Variants in PGBD5 observed in about 807,000 individuals in gnomAD.
PGBD5 encodes the protein piggyBac transposable element derived 5, also known as piggyBac transposable element-derived protein 5.
Under a neutral mutation model 47.9 loss-of-function variants are expected in PGBD5, and 14 were observed. The ratio of observed to expected loss-of-function variants is 0.29; its 90% CI spans 0.19 to 0.46. The LOEUF is 0.46. Among genes scored for constraint, PGBD5 ranks in the 20% least tolerant of loss-of-function variants. The pLI is 1.00. For synonymous variants in PGBD5, 316 were observed against 306.3 expected (o/e 1.03, Z -0.33); for missense variants, 635 against 716.0 (o/e 0.89, Z 1.29).
chr1:230,327,415 T>C (rs946928322), intron 5 of PGBD5, among the ~76,000 whole-genome samples: 14 of 152,172 alleles, frequency 9.2e-5, no homozygotes, highest in African/African-American at 3.4e-4. Flanking sequence ...TTACATACAC[T>C]GAGCCGGACT....
chr1:230,411,840 AT>A (rs1379839546), intron 1 of PGBD5, among the ~76,000 whole-genome samples: 2 of 152,250 alleles, frequency 1.3e-5, no homozygotes, highest in African/African-American at 4.8e-5. Context: ...CAAATTAATT[AT>A]GGAAAAGACT....
chr1:230,396,139 T>C (rs1225133957), intron 1 of PGBD5, among the ~76,000 whole-genome samples: 1 of 116,816 alleles, frequency 8.6e-6, no homozygotes, highest in African/African-American at 3.5e-5. Context: ...TTACCCCCCA[T>C]ACTCATCCCT....
rs556492646 is a variant in PGBD5 at position 230,357,564 on chromosome 1, G to A, written c.332-243C>T. On this transcript the variant is annotated intron_variant, in intron 1 of 6. Transcript: ENST00000391860. This position sits in a 1 kb window ranked among gnomAD's most constrained non-coding sequence, Gnocchi z 5.7. ...GCTCTCCTGCTGTGTGTGTGGGAGC[G>A]CAGCTCCTCCCAGACACCACAGGAA... 1.3e-5 allele frequency among the ~76,000 whole-genome samples: 2 copies of A among 152,292 alleles called. No homozygotes were observed. Among genetic ancestry groups the A allele is most frequent in the Non-Finnish European group, 2.9e-5 (2 of 68,032 alleles).
chr1:230,372,115 G>A (rs1667938137), intron 1 of PGBD5, among the ~76,000 whole-genome samples: 3 of 152,200 alleles, frequency 2.0e-5, no homozygotes, highest in Middle Eastern at 3.2e-3. Flanking sequence ...AACTGTCCAT[G>A]ACACACAAAG....
At chr1:230,401,310 G>T (rs1040297670) in intron 1 of PGBD5, among the ~76,000 whole-genome samples, 1 of 152,208 alleles carries the variant, frequency 6.6e-6, no homozygotes, top group Non-Finnish European at 1.5e-5. Context: ...CGCTCATGGC[G>T]GGTCAGCATA....
At chr1:230,335,158 GACAC>G (rs369154723) in intron 4 of PGBD5, among the ~76,000 whole-genome samples, 9 of 100,834 alleles carry the variant, frequency 8.9e-5, no homozygotes, top group African/African-American at 3.3e-4. Context: ...TACACATACA[GACAC>G]ACACAGACAC....
chr1:230,379,577 T>C (rs1053588050), intron 1 of PGBD5, among the ~76,000 whole-genome samples: 2 of 152,274 alleles, frequency 1.3e-5, no homozygotes, highest in Non-Finnish European at 2.9e-5. Flanking sequence ...AAAATACTCA[T>C]GTTCACCAGC....
At chr1:230,392,303 AG>A (rs1201299854) in intron 1 of PGBD5, among the ~76,000 whole-genome samples, 1 of 152,100 alleles carries the variant, frequency 6.6e-6, no homozygotes, top group Admixed American at 6.5e-5. Context: ...CCAGGATAAG[AG>A]GATGCCTGTG....
chr1:230,361,064 A>G (rs1213180022), intron 1 of PGBD5, among the ~76,000 whole-genome samples: 1 of 152,192 alleles, frequency 6.6e-6, no homozygotes, highest in Non-Finnish European at 1.5e-5. Flanking sequence ...TGTGGTTACT[A>G]GCAGCAGCCC....
chr1:230,339,154 G>C (rs1194925587), intron 3 of PGBD5, among the ~76,000 whole-genome samples: 1 of 152,176 alleles, frequency 6.6e-6, no homozygotes, highest in Non-Finnish European at 1.5e-5. Flanking sequence ...ACTGCAACGT[G>C]ATAGCTGAGA....
intron 1 of PGBD5, among the ~76,000 whole-genome samples, chr1:230,374,290 G>A (rs367645625): frequency 9.9e-5 from 15 of 152,198 alleles, no homozygotes; most frequent in East Asian, 3.9e-4. Context: ...GGTGGCAGGC[G>A]CCTGTAATCC....
chr1:230,394,097 T>C (rs540158124), intron 1 of PGBD5, among the ~76,000 whole-genome samples: 9 of 152,090 alleles, frequency 5.9e-5, no homozygotes, highest in Non-Finnish European at 1.2e-4. Flanking sequence ...TATCCTATAC[T>C]CATATTCAAC....
At chr1:230,398,468 T>C (rs1657054329) in intron 1 of PGBD5, among the ~76,000 whole-genome samples, 3 of 152,298 alleles carry the variant, frequency 2.0e-5, no homozygotes, top group Admixed American at 2.0e-4. Context: ...TTTACCTTAA[T>C]TACCTTTTAA....
intron 1 of PGBD5, chr1:230,362,121 C>T (rs1042370655): frequency 2.7e-6 from 3 of 1,102,402 alleles, no homozygotes; most frequent in South Asian, 3.2e-5. Context: ...GCGCGGGAAG[C>T]CAGTGAAGGG....
chr1:230,371,879 G>A (rs997364160), intron 1 of PGBD5, among the ~76,000 whole-genome samples: 3 of 152,154 alleles, frequency 2.0e-5, no homozygotes, highest in African/African-American at 7.2e-5. Context: ...GCGGAAGCTC[G>A]CCACCTCAGT....
chr1:230,360,498 GGA>G (rs1382565907), intron 1 of PGBD5, among the ~76,000 whole-genome samples: 1 of 152,132 alleles, frequency 6.6e-6, no homozygotes, highest in Admixed American at 6.5e-5. Flanking sequence ...GACCTCCATG[GGA>G]GGTGACTGTA....
intron 1 of PGBD5, among the ~76,000 whole-genome samples, chr1:230,378,880 G>A (rs1404764598): frequency 6.6e-6 from 1 of 152,106 alleles, no homozygotes; most frequent in Non-Finnish European, 1.5e-5. Flanking sequence ...ACACTGATGA[G>A]TCAACCCAAA....
chr1:230,400,143 C>T (rs576182921), intron 1 of PGBD5, among the ~76,000 whole-genome samples: 78 of 152,354 alleles, frequency 5.1e-4, no homozygotes, highest in Admixed American at 3.3e-3. Flanking sequence ...CTCCTTCCTC[C>T]GCGCCTCGCC....
intron 1 of PGBD5, among the ~76,000 whole-genome samples, chr1:230,358,059 C>G (rs1023520361): frequency 6.6e-6 from 1 of 151,700 alleles, no homozygotes; most frequent in African/African-American, 2.4e-5. Flanking sequence ...ACAAATACAT[C>G]GATGTATAAA....
Sources: allele counts gnomAD v4.1 joint callset (sites outside exome capture counted in the v4.1 genomes callset), GRCh38; gene constraint gnomAD v4.1.1; non-coding constraint Gnocchi (gnomAD v3.1); transcripts MANE v1.5; gene names NCBI Gene and HGNC (gene_info 2026-07-23, HGNC 2026-07-21).